MTCL1: variants seen among roughly 807,000 people sequenced by gnomAD.
MTCL1 encodes microtubule cross-linking factor 1.
A neutral mutation model predicts 141.4 loss-of-function variants in MTCL1; 79 were observed. That is an observed-to-expected ratio of 0.56 (90% CI 0.47 to 0.67). The LOEUF is 0.67. Among genes scored for constraint, MTCL1 ranks in the 30% least tolerant of loss-of-function variants. MTCL1 has a pLI of 0.00. For synonymous variants in MTCL1, 914 were observed against 875.8 expected (o/e 1.04, Z -0.77); for missense variants, 2,177 against 2,113.9 (o/e 1.03, Z -0.59).
At chr18:8,811,155 G>A (rs1393000687) in intron 11 of MTCL1, 1 of 152,308 alleles carries the variant, frequency 6.6e-6, no homozygotes, top group East Asian at 1.9e-4. Context: ...CAAGAAGCAT[G>A]GTGCCAGCAT....
At chr18:8,798,999 T>C (rs925302691) in intron 10 of MTCL1, among the ~76,000 whole-genome samples, 1 of 152,198 alleles carries the variant, frequency 6.6e-6, no homozygotes, top group Non-Finnish European at 1.5e-5. Flanking sequence ...AACTTTATTA[T>C]GTATTAATAA....
intron 4 of MTCL1, among the ~76,000 whole-genome samples, chr18:8,724,458 C>T (rs893113521): frequency 6.6e-6 from 1 of 152,146 alleles, no homozygotes; most frequent in Non-Finnish European, 1.5e-5. Flanking sequence ...CCACTCTATC[C>T]GTACTTTTAC....
exon 6 of MTCL1, chr18:8,783,871 G>C: frequency 6.2e-7 from 1 of 1,613,098 alleles, no homozygotes; most frequent in Non-Finnish European, 8.5e-7. Flanking sequence ...GCCCGGGTCG[G>C]GACCACGCAC....
chr18:8,706,926 A>G (rs2096061226), intron 1 of MTCL1: 2 of 722,112 alleles, frequency 2.8e-6, no homozygotes, highest in South Asian at 2.2e-5. Flanking sequence ...TTCGCAACCC[A>G]CTTCTCTTTT....
intron 11 of MTCL1, among the ~76,000 whole-genome samples, chr18:8,808,228 G>A (rs527335637): frequency 2.5e-4 from 38 of 152,240 alleles, no homozygotes; most frequent in African/African-American, 7.2e-4. Flanking sequence ...CTTAGTCCCC[G>A]GCCTGCAGCA....
chr18:8,738,719 C>G (rs2096286110), intron 4 of MTCL1, among the ~76,000 whole-genome samples: 1 of 152,174 alleles, frequency 6.6e-6, no homozygotes, highest in Admixed American at 6.5e-5. Flanking sequence ...GATAAGGACG[C>G]ACTGCTTTGA....
At chr18:8,736,345 T>A (rs1427326292) in intron 4 of MTCL1, among the ~76,000 whole-genome samples, 2 of 152,284 alleles carry the variant, frequency 1.3e-5, no homozygotes, top group East Asian at 3.9e-4. Flanking sequence ...GTTGAAACTA[T>A]ATTAAGTCAA....
At chr18:8,832,722 C>T (rs945312189) in exon 17 of MTCL1, 1 of 152,136 alleles carries the variant, frequency 6.6e-6, no homozygotes, top group African/African-American at 2.4e-5. Flanking sequence ...CATGATGATG[C>T]CTCTGGGTCT....
At chr18:8,798,148 G>A in exon 10 of MTCL1, 1 of 1,595,218 alleles carries the variant, frequency 6.3e-7, no homozygotes, top group Non-Finnish European at 8.5e-7. Context: ...AGTCCAGGGG[G>A]GTCACCAGGC....
chr18:8,714,441 T>C (rs888241205), upstream of MTCL1, among the ~76,000 whole-genome samples: 1 of 152,222 alleles, frequency 6.6e-6, no homozygotes, highest in Non-Finnish European at 1.5e-5. Context: ...ATTTTTATAC[T>C]TCTGTGAAAC....
chr18:8,787,148 G>T (rs183505886), intron 7 of MTCL1: 1 of 152,246 alleles, frequency 6.6e-6, no homozygotes, highest in East Asian at 1.9e-4. Context: ...TGAATGCATC[G>T]CATAGCTTCA....
intron 4 of MTCL1, among the ~76,000 whole-genome samples, chr18:8,775,298 C>T (rs181081974): frequency 4.0e-4 from 60 of 151,806 alleles, no homozygotes; most frequent in African/African-American, 1.4e-3. Flanking sequence ...TGGCCGGGCA[C>T]GGTGGCTCAA....
exon 15 of MTCL1, chr18:8,825,113 G>A (rs770314470): frequency 1.3e-6 from 2 of 1,599,718 alleles, no homozygotes; most frequent in East Asian, 4.5e-5. Flanking sequence ...CCGTGCGCAG[G>A]GTCGACAGCA....
At chr18:8,824,889 G>A in exon 15 of MTCL1, 13 of 1,613,912 alleles carry the variant, frequency 8.1e-6, no homozygotes, top group Non-Finnish European at 1.1e-5. Context: ...CCACAATGGT[G>A]GGGGGCCGGA....
chr18:8,755,504 T>C (rs1053260511), intron 4 of MTCL1, among the ~76,000 whole-genome samples: 14 of 152,126 alleles, frequency 9.2e-5, no homozygotes, highest in Middle Eastern at 3.2e-3. Context: ...CAGGAGCACT[T>C]CAGGGACATC....
chr18:8,708,069 G>A (rs1051404230), intron 1 of MTCL1, among the ~76,000 whole-genome samples: 6 of 152,232 alleles, frequency 3.9e-5, no homozygotes, highest in African/African-American at 1.4e-4. Context: ...ACGGAGTGAA[G>A]TTCAAAGGCA....
chr18:8,791,070 G>A (rs1356723088), intron 7 of MTCL1, among the ~76,000 whole-genome samples: 6 of 152,206 alleles, frequency 3.9e-5, no homozygotes, highest in Non-Finnish European at 7.3e-5. Flanking sequence ...GCCCTTGGGT[G>A]GGTGGATTAG....
At chr18:8,799,925 C>A (rs1362028317) in intron 10 of MTCL1, among the ~76,000 whole-genome samples, 1 of 152,190 alleles carries the variant, frequency 6.6e-6, no homozygotes, top group African/African-American at 2.4e-5. Context: ...TAGCGATTAC[C>A]CACGAAAGTG....
intron 10 of MTCL1, chr18:8,800,519 G>T (rs1345306059): frequency 6.6e-6 from 1 of 152,232 alleles, no homozygotes; most frequent in East Asian, 1.9e-4. Flanking sequence ...TGGCTCCGCA[G>T]ACATTCCCTG....
Sources: gnomAD v4.1 joint callset for allele counts (sites outside exome capture counted in the v4.1 genomes callset) on GRCh38, gnomAD v4.1.1 for gene constraint, MANE v1.5 for transcripts, NCBI Gene and HGNC (gene_info 2026-07-23, HGNC 2026-07-21) for gene names.